The following SBF2 variants were observed in gnomAD, a reference collection of about 807,000 sequenced individuals.
SBF2 encodes SET binding factor 2, also known as myotubularin-related protein 13.
SBF2 carries 112 observed loss-of-function variants against 225.2 expected under a neutral mutation model. The ratio of observed to expected loss-of-function variants is 0.50; its 90% CI spans 0.43 to 0.58. SBF2 has a LOEUF of 0.58. SBF2 is among the 20% of genes least tolerant of loss of function. The pLI is 0.00. For synonymous variants in SBF2, 763 were observed against 773.3 expected (o/e 0.99, Z 0.22); for missense variants, 1,996 against 2,206.2 (o/e 0.90, Z 1.91).
intron 2 of SBF2, among the ~76,000 whole-genome samples, chr11:10,126,826 A>C (rs752074675): frequency 6.6e-6 from 1 of 152,138 alleles, no homozygotes; most frequent in Non-Finnish European, 1.5e-5. Context: ...AATGTACTAT[A>C]ATCATACATC....
intron 16 of SBF2, among the ~76,000 whole-genome samples, chr11:9,939,597 C>T (rs1171952479): frequency 6.6e-6 from 1 of 152,160 alleles, no homozygotes; most frequent in Non-Finnish European, 1.5e-5. Context: ...TGTACTTTTA[C>T]CACCTTTTTT....
rs71453937 is a variant in SBF2, at chr11:9,885,251, C to CAAAAA, written c.1929+10687_1929+10691dup. Among the ~76,000 whole-genome samples the CAAAAA allele has an allele frequency of 2.6e-3, 98 of 38,168 alleles. 1 individual carries two copies. Among genetic ancestry groups the CAAAAA allele is most frequent in the East Asian group, 4.3e-3 (4 of 920 alleles). 25.0% of individuals were successfully genotyped at this position (38,168 alleles called of 152,430 possible). Reference sequence around the variant, plus strand: ...GGGGGATAGGGTGAAACTTTTCCTCCAAAAAAAAAAAAAAAAAAAAAAAAA... The same window carrying CAAAAA: ...GGGGGATAGGGTGAAACTTTTCCTCCAAAAAAAAAAAAAAAAAAAAAAAAAAAAAA... On this transcript the variant is annotated intron_variant, in intron 17 of 39. Transcript: ENST00000256190.
chr11:9,913,854 T>C (rs867332744), intron 16 of SBF2, among the ~76,000 whole-genome samples: 2 of 152,154 alleles, frequency 1.3e-5, no homozygotes, highest in Non-Finnish European at 2.9e-5. Flanking sequence ...CAGCAGCTCC[T>C]TTTGGTTGTT....
intron 1 of SBF2, among the ~76,000 whole-genome samples, chr11:10,208,756 T>C (rs1957833145): frequency 6.6e-6 from 1 of 152,128 alleles, no homozygotes; most frequent in Non-Finnish European, 1.5e-5. Flanking sequence ...GACAAATTTC[T>C]TGGAACCAGC....
At chr11:9,892,408 G>T (rs1860903174) in intron 17 of SBF2, among the ~76,000 whole-genome samples, 1 of 152,068 alleles carries the variant, frequency 6.6e-6, no homozygotes, top group East Asian at 1.9e-4. Flanking sequence ...TGGCAGTAAT[G>T]CGTGACTCTT....
At chr11:9,835,604 C>A (rs1855681729) in intron 26 of SBF2, among the ~76,000 whole-genome samples, 1 of 114,460 alleles carries the variant, frequency 8.7e-6, no homozygotes, top group East Asian at 2.4e-4. Context: ...TGCACTCCAG[C>A]CTGGGAGACA....
Position 9,919,193 on chromosome 11 carries a change from A to G in SBF2, c.1861-23182T>C, listed in dbSNP as rs186115001. Among the ~76,000 whole-genome samples the G allele has an allele frequency of 3.8e-3, 580 of 151,464 alleles. 8 individuals carry two copies. Among genetic ancestry groups the G allele is most frequent in the African/African-American group, 0.013 (528 of 41,266 alleles). ...ATACCACTATTGTTAGAATATTTTA[A>G]TCTCTTTTCCCTCACATTCTCTAGC... On this transcript the variant is annotated intron_variant, in intron 16 of 39. Coordinates refer to ENST00000256190, the MANE Select transcript of SBF2 (RefSeq NM_030962.4).
chr11:9,903,044 G>A (rs1010155306), intron 16 of SBF2, among the ~76,000 whole-genome samples: 9 of 152,030 alleles, frequency 5.9e-5, no homozygotes, highest in East Asian at 1.9e-4. Context: ...ACAATTGGCC[G>A]TGCGCGGTGA....
At chr11:10,278,210 A>C (rs1963117235) in intron 1 of SBF2, among the ~76,000 whole-genome samples, 1 of 152,216 alleles carries the variant, frequency 6.6e-6, no homozygotes, top group Non-Finnish European at 1.5e-5. Flanking sequence ...ATTTTCTTTC[A>C]AGTAAACAAT....
chr11:9,969,842 C>T (rs1188108082), intron 13 of SBF2, among the ~76,000 whole-genome samples: 1 of 152,250 alleles, frequency 6.6e-6, no homozygotes, highest in Non-Finnish European at 1.5e-5. Flanking sequence ...CGTATACCTA[C>T]TGCATCTAGA....
chr11:10,204,293 T>C (rs1225583309), intron 1 of SBF2, among the ~76,000 whole-genome samples: 1 of 150,804 alleles, frequency 6.6e-6, no homozygotes, highest in Non-Finnish European at 1.5e-5. Flanking sequence ...AAAATATCCT[T>C]CAAAAAAAAA....
At chr11:10,057,441 G>C (rs1365644934) in intron 2 of SBF2, among the ~76,000 whole-genome samples, 1 of 152,158 alleles carries the variant, frequency 6.6e-6, no homozygotes, top group African/African-American at 2.4e-5. Context: ...GAGGAGGCCA[G>C]TCTTTCTCCC....
intron 22 of SBF2, among the ~76,000 whole-genome samples, chr11:9,848,302 C>G (rs1247320820): frequency 6.6e-6 from 1 of 152,092 alleles, no homozygotes; most frequent in African/African-American, 2.4e-5. Context: ...TTAACACCTA[C>G]ATTTATATAA....
chr11:10,143,286 C>T (rs1954734707), intron 2 of SBF2, among the ~76,000 whole-genome samples: 1 of 152,086 alleles, frequency 6.6e-6, no homozygotes, highest in Admixed American at 6.6e-5. Flanking sequence ...ATTCTCTTAC[C>T]TCGGCCTCCC....
intron 2 of SBF2, among the ~76,000 whole-genome samples, chr11:10,107,849 T>C (rs1952618784): frequency 6.6e-6 from 1 of 152,138 alleles, no homozygotes; most frequent in African/African-American, 2.4e-5. Context: ...TAAGGTACCA[T>C]TCACAGGTTA....
At chr11:10,230,119 G>C (rs1385975314) in intron 1 of SBF2, among the ~76,000 whole-genome samples, 1 of 152,138 alleles carries the variant, frequency 6.6e-6, no homozygotes, top group Non-Finnish European at 1.5e-5. Flanking sequence ...TGTTTTATCA[G>C]AGACTAGGAT....
chr11:10,247,631 A>G (rs4910113), intron 1 of SBF2, among the ~76,000 whole-genome samples: 30,751 of 151,832 alleles, frequency 0.2, 3,309 homozygotes, highest in Middle Eastern at 0.26. Context: ...GGAGGCAGAG[A>G]TTGCAGTGAG....
chr11:10,116,065 A>G (rs559078106), intron 2 of SBF2, among the ~76,000 whole-genome samples: 1 of 152,148 alleles, frequency 6.6e-6, no homozygotes, highest in Non-Finnish European at 1.5e-5. Context: ...GCTACTCGGG[A>G]GGCTGAGGCA....
At chr11:9,868,946 T>C (rs1200774607) in intron 17 of SBF2, among the ~76,000 whole-genome samples, 2 of 152,226 alleles carry the variant, frequency 1.3e-5, no homozygotes, top group African/African-American at 2.4e-5. Context: ...TGATTGTCAA[T>C]GCCCAGATTT....
Sources: gnomAD v4.1 joint callset for allele counts (sites outside exome capture counted in the v4.1 genomes callset) on GRCh38, gnomAD v4.1.1 for gene constraint, MANE v1.5 for transcripts, NCBI Gene and HGNC (gene_info 2026-07-23, HGNC 2026-07-21) for gene names.